The following VWC2 variants were observed in gnomAD, a reference collection of about 807,000 sequenced individuals.
VWC2 encodes brorin.
Under a neutral mutation model 29.8 loss-of-function variants are expected in VWC2, and 14 were observed. The observed-to-expected ratio is 0.47, with a 90% CI of 0.31 to 0.74. VWC2 has a LOEUF of 0.74. Among genes scored for constraint, VWC2 ranks in the 30% least tolerant of loss-of-function variants. VWC2 has a pLI of 0.05. For synonymous variants in VWC2, 213 were observed against 199.0 expected (o/e 1.07, Z -0.59); for missense variants, 457 against 459.8 (o/e 0.99, Z 0.05).
At chr7:49,804,684 A>T (rs1788832803) in intron 3 of VWC2, among the ~76,000 whole-genome samples, 1 of 152,076 alleles carries the variant, frequency 6.6e-6, no homozygotes, top group South Asian at 2.1e-4. Flanking sequence ...ACCTACAGAA[A>T]AGTTGAAATA....
At chr7:49,788,579 G>A (rs1788358393) in intron 2 of VWC2, among the ~76,000 whole-genome samples, 1 of 150,492 alleles carries the variant, frequency 6.6e-6, no homozygotes, top group African/African-American at 2.5e-5. Flanking sequence ...GTGGGCATGT[G>A]CGACACCCAC....
intron 2 of VWC2, among the ~76,000 whole-genome samples, chr7:49,788,445 CTG>C (rs35708736): frequency 0.29 from 43,242 of 147,638 alleles, 6,807 homozygotes; most frequent in East Asian, 0.68. Context: ...TTCCCCTGGC[CTG>C]TGTGTGTGTG....
At chr7:49,793,736 T>C (rs1788517830) in intron 2 of VWC2, among the ~76,000 whole-genome samples, 1 of 152,224 alleles carries the variant, frequency 6.6e-6, no homozygotes, top group South Asian at 2.1e-4. Context: ...TTTTTTCTAT[T>C]GCAAACTCTT....
At chr7:49,830,929 T>G (rs565769130) in intron 3 of VWC2, among the ~76,000 whole-genome samples, 2 of 152,172 alleles carry the variant, frequency 1.3e-5, no homozygotes, top group Non-Finnish European at 2.9e-5. Context: ...TGATGGACAT[T>G]TGGGTTGGTT....
intron 3 of VWC2, among the ~76,000 whole-genome samples, chr7:49,839,747 C>A (rs1455190014): frequency 2.0e-5 from 3 of 152,182 alleles, no homozygotes; most frequent in Non-Finnish European, 4.4e-5. Flanking sequence ...GAGGAAAGAG[C>A]TGCGTGCAGA....
At chr7:49,887,788 A>G (rs1791963739) in intron 3 of VWC2, among the ~76,000 whole-genome samples, 1 of 152,206 alleles carries the variant, frequency 6.6e-6, no homozygotes, top group South Asian at 2.1e-4. Flanking sequence ...ACTGTCTGGA[A>G]TGCACTTTCT....
At chr7:49,893,324 C>T (rs1792223850) in intron 3 of VWC2, among the ~76,000 whole-genome samples, 2 of 152,130 alleles carry the variant, frequency 1.3e-5, no homozygotes, top group Non-Finnish European at 2.9e-5. Flanking sequence ...GGCTCCTATT[C>T]CTGCATAGCA....
intron 2 of VWC2, among the ~76,000 whole-genome samples, chr7:49,789,179 G>C (rs564522170): frequency 2.0e-5 from 3 of 149,996 alleles, no homozygotes; most frequent in South Asian, 4.2e-4. Context: ...GTGTTAGCAT[G>C]TGTGTGGGTG....
rs566894907 is a variant in VWC2, at chr7:49,921,018, G to A, written c.*8833G>A. The stretch of plus-strand genomic sequence containing the variant: ...TGAAAGTTTTCCAGTAAGTGTTCAT[G>A]TCCTGTACAAATTTATTAAACAACA... On this transcript the variant is annotated 3_prime_UTR_variant, in exon 4 of 4. Transcript: ENST00000340652. 6.6e-6 allele frequency: 1 copy of A among 152,264 alleles called. No homozygotes were observed. Among genetic ancestry groups the A allele is most frequent in the South Asian group, 2.1e-4 (1 of 4,826 alleles). The allele number at this position is 152,264 out of a possible 1,614,324, so 9.4% of individuals were successfully genotyped here. A position where few individuals can be genotyped will look rare whatever the true frequency, so the allele number is the denominator to read the frequency against.
chr7:49,841,917 A>G (rs1336358363), intron 3 of VWC2, among the ~76,000 whole-genome samples: 3 of 152,038 alleles, frequency 2.0e-5, no homozygotes, highest in Non-Finnish European at 4.4e-5. Flanking sequence ...CCCAGACTGC[A>G]GTGCAATGGC....
intron 2 of VWC2, among the ~76,000 whole-genome samples, chr7:49,777,997 T>C (rs964983003): frequency 6.6e-6 from 1 of 151,570 alleles, no homozygotes; most frequent in African/African-American, 2.4e-5. Context: ...AGTAATTTTC[T>C]GGAATTGTCC....
At chr7:49,801,735 A>T (rs367747164) in intron 2 of VWC2, among the ~76,000 whole-genome samples, 1 of 152,248 alleles carries the variant, frequency 6.6e-6, no homozygotes, top group Non-Finnish European at 1.5e-5. Flanking sequence ...GTGGAAGAGG[A>T]CCTTGTGCTC....
chr7:49,832,500 CAG>C (rs1323169628), intron 3 of VWC2, among the ~76,000 whole-genome samples: 1 of 152,128 alleles, frequency 6.6e-6, no homozygotes, highest in African/African-American at 2.4e-5. Flanking sequence ...GAAGCAGAAA[CAG>C]GGAACAAAAA....
intron 3 of VWC2, among the ~76,000 whole-genome samples, chr7:49,855,390 C>G (rs1406217867): frequency 1.3e-5 from 2 of 152,116 alleles, no homozygotes; most frequent in Non-Finnish European, 2.9e-5. Flanking sequence ...ATTTACATGA[C>G]AGGGACCTTG....
At chr7:49,783,334 A>T (rs1470672307) in intron 2 of VWC2, among the ~76,000 whole-genome samples, 1 of 152,152 alleles carries the variant, frequency 6.6e-6, no homozygotes, top group Non-Finnish European at 1.5e-5. Context: ...AAGGGGGCAC[A>T]CAGTAGAAGC....
intron 3 of VWC2, among the ~76,000 whole-genome samples, chr7:49,861,474 T>C (rs575042135): frequency 6.6e-6 from 1 of 152,336 alleles, no homozygotes; most frequent in South Asian, 2.1e-4. Flanking sequence ...TATCCCATTA[T>C]GCAGGTGAGT....
At chr7:49,818,976 G>A (rs1316132119) in intron 3 of VWC2, among the ~76,000 whole-genome samples, 2 of 152,022 alleles carry the variant, frequency 1.3e-5, no homozygotes, top group Non-Finnish European at 2.9e-5. Context: ...TGTGATTAAT[G>A]TTTACGAAAA....
intron 3 of VWC2, among the ~76,000 whole-genome samples, chr7:49,808,647 T>A (rs2128707002): frequency 6.6e-6 from 1 of 152,112 alleles, no homozygotes; most frequent in South Asian, 2.1e-4. Context: ...CTCAATAAAT[T>A]TAAAGGACTT....
chr7:49,849,938 C>T (rs567244091), intron 3 of VWC2, among the ~76,000 whole-genome samples: 8 of 152,310 alleles, frequency 5.3e-5, no homozygotes, highest in Middle Eastern at 3.4e-3. Context: ...TGCAATAGTA[C>T]AGCATGGTGC....
Sources: gnomAD v4.1 joint callset for allele counts (sites outside exome capture counted in the v4.1 genomes callset) on GRCh38, gnomAD v4.1.1 for gene constraint, MANE v1.5 for transcripts, NCBI Gene and HGNC (gene_info 2026-07-23, HGNC 2026-07-21) for gene names.